The following TIMP3 variants were observed in gnomAD, a reference collection of about 807,000 sequenced individuals.
TIMP3 encodes the protein TIMP metallopeptidase inhibitor 3, also known as metalloproteinase inhibitor 3.
A neutral mutation model predicts 30.0 loss-of-function variants in TIMP3; 11 were observed. The observed-to-expected ratio is 0.37, with a 90% CI of 0.23 to 0.61. TIMP3 has a LOEUF of 0.61. Ranked by LOEUF, TIMP3 falls within the 20% of genes least tolerant of loss-of-function variation. TIMP3 has a pLI of 0.70. For synonymous variants in TIMP3, 112 were observed against 111.3 expected (o/e 1.01, Z -0.04); for missense variants, 181 against 276.8 (o/e 0.65, Z 2.45).
At chr22:32,824,953 A>T (rs1264706931) in intron 1 of TIMP3, among the ~76,000 whole-genome samples, 1 of 152,166 alleles carries the variant, frequency 6.6e-6, no homozygotes, top group Non-Finnish European at 1.5e-5. Context: ...TTGAGCAGTG[A>T]CTTTATGACA....
chr22:32,817,872 C>T (rs962362237), intron 1 of TIMP3, among the ~76,000 whole-genome samples: 2 of 152,174 alleles, frequency 1.3e-5, no homozygotes, highest in Non-Finnish European at 2.9e-5. Flanking sequence ...TGCAACCCCA[C>T]CCTGGTCCCC....
chr22:32,825,532 G>A (rs552187097), intron 1 of TIMP3, among the ~76,000 whole-genome samples: 4 of 151,488 alleles, frequency 2.6e-5, no homozygotes, highest in East Asian at 1.9e-4. Context: ...GGTGGCGGGC[G>A]CCTGTAATCC....
chr22:32,836,635 TCCTA>T (rs2047737700), intron 1 of TIMP3, among the ~76,000 whole-genome samples: 2 of 152,240 alleles, frequency 1.3e-5, no homozygotes, highest in African/African-American at 4.8e-5. Context: ...TCGTACCTGT[TCCTA>T]CCTGAGTGCC....
intron 1 of TIMP3, among the ~76,000 whole-genome samples, chr22:32,836,529 T>C (rs1049115959): frequency 1.3e-5 from 2 of 152,256 alleles, no homozygotes; most frequent in Admixed American, 6.5e-5. Context: ...TAAAAGGATT[T>C]GGATCTTCTC....
At chr22:32,816,209 G>C (rs2047084510) in intron 1 of TIMP3, among the ~76,000 whole-genome samples, 1 of 152,064 alleles carries the variant, frequency 6.6e-6, no homozygotes, top group South Asian at 2.1e-4. Context: ...AATTGCAGGG[G>C]CGGGGGTAGG....
intron 1 of TIMP3, among the ~76,000 whole-genome samples, chr22:32,838,590 G>A (rs1302879960): frequency 1.3e-5 from 2 of 152,224 alleles, no homozygotes; most frequent in East Asian, 1.9e-4. Context: ...CTGTAATAGG[G>A]TCCTGTGACT....
At position 32,860,602 on chromosome 22, in the gene TIMP3, TC is replaced by T. The variant is rs1289536360; in HGVS notation, c.*1226del. On this transcript the variant is annotated 3_prime_UTR_variant, in exon 5 of 5. Coordinates refer to ENST00000266085, the MANE Select transcript of TIMP3 (RefSeq NM_000362.5). ...AGCACCCTCTCTTCCCTATCATGGGTCATCTGACCCCTGTCCGTCTCCTTGT... is the reference window on the plus strand; with the variant it reads ...AGCACCCTCTCTTCCCTATCATGGGTATCTGACCCCTGTCCGTCTCCTTGT... 1 of 152,582 alleles carries T rather than the reference TC, an allele frequency of 6.6e-6. No homozygotes were observed. Among genetic ancestry groups the T allele is most frequent in the Non-Finnish European group, 1.5e-5 (1 of 68,038 alleles). 9.5% of individuals were successfully genotyped at this position (152,582 alleles called of 1,614,324 possible). A position where few individuals can be genotyped will look rare whatever the true frequency, so the allele number is the denominator to read the frequency against.
chr22:32,805,650 A>G (rs931092086), intron 1 of TIMP3, among the ~76,000 whole-genome samples: 1 of 101,544 alleles, frequency 9.8e-6, no homozygotes, highest in African/African-American at 3.9e-5. Flanking sequence ...CAGCAACCTT[A>G]AGAGTAGGTA....
intron 1 of TIMP3, among the ~76,000 whole-genome samples, 175 bp from the exon 2 acceptor site, chr22:32,849,277 T>G (rs2048152620): frequency 6.6e-6 from 1 of 152,212 alleles, no homozygotes; most frequent in African/African-American, 2.4e-5. Context: ...TCCTCCAACC[T>G]CCCTCTCACC....
intron 1 of TIMP3, among the ~76,000 whole-genome samples, chr22:32,827,062 C>A (rs1029206066): frequency 1.3e-5 from 2 of 152,184 alleles, no homozygotes; most frequent in African/African-American, 4.8e-5. Flanking sequence ...TTTTGCTGAT[C>A]ATTGACCTCG....
intron 1 of TIMP3, among the ~76,000 whole-genome samples, chr22:32,803,037 G>C (rs2046632522): frequency 6.6e-6 from 1 of 152,062 alleles, no homozygotes; most frequent in Non-Finnish European, 1.5e-5. Context: ...GGCTTGTCTG[G>C]GAGTGTTTGG....
At chr22:32,819,850 T>C (rs1419555051) in intron 1 of TIMP3, among the ~76,000 whole-genome samples, 1 of 152,224 alleles carries the variant, frequency 6.6e-6, no homozygotes, top group African/African-American at 2.4e-5. Flanking sequence ...CCATAGTGTA[T>C]ATTAACTTCC....
chr22:32,844,959 G>C (rs2048018383), intron 1 of TIMP3, among the ~76,000 whole-genome samples: 1 of 152,104 alleles, frequency 6.6e-6, no homozygotes, highest in Admixed American at 6.5e-5. Context: ...GAACTCCTGA[G>C]CTCAAGTGAT....
intron 1 of TIMP3, among the ~76,000 whole-genome samples, chr22:32,828,453 C>T (rs242082): frequency 0.38 from 57,872 of 152,154 alleles, 11,193 homozygotes; most frequent in East Asian, 0.5. Flanking sequence ...GAGATCCAAT[C>T]CCTGGCTGGG....
At chr22:32,838,695 G>T (rs1385793132) in intron 1 of TIMP3, among the ~76,000 whole-genome samples, 1 of 151,972 alleles carries the variant, frequency 6.6e-6, no homozygotes, top group Non-Finnish European at 1.5e-5. Flanking sequence ...CCTTTTCTGA[G>T]TAACTCTATG....
chr22:32,822,024 G>A (rs534133450), intron 1 of TIMP3, among the ~76,000 whole-genome samples: 2 of 151,926 alleles, frequency 1.3e-5, no homozygotes, highest in African/African-American at 4.8e-5. Context: ...GCGTGGTGGC[G>A]CATGCCTGTA....
At chr22:32,817,635 A>T (rs1278841994) in intron 1 of TIMP3, among the ~76,000 whole-genome samples, 1 of 152,212 alleles carries the variant, frequency 6.6e-6, no homozygotes, top group Non-Finnish European at 1.5e-5. Flanking sequence ...TCAAGGTCAC[A>T]CATTTGCCAG....
intron 1 of TIMP3, among the ~76,000 whole-genome samples, chr22:32,825,595 T>C (rs1209024146): frequency 7.9e-6 from 1 of 126,256 alleles, no homozygotes; most frequent in African/African-American, 3.1e-5. Context: ...AAGGCAGAGG[T>C]TGCAGTGAGC....
chr22:32,829,863 G>A (rs112966785), intron 1 of TIMP3, among the ~76,000 whole-genome samples: 11 of 152,290 alleles, frequency 7.2e-5, no homozygotes, highest in African/African-American at 2.4e-4. Flanking sequence ...CCCACCCTTG[G>A]GTAGAATGGG....
Sources: gnomAD v4.1 joint callset for allele counts (sites outside exome capture counted in the v4.1 genomes callset) on GRCh38, gnomAD v4.1.1 for gene constraint, MANE v1.5 for transcripts, NCBI Gene and HGNC (gene_info 2026-07-23, HGNC 2026-07-21) for gene names.